Variants in TNKS observed in about 807,000 individuals in gnomAD.
TNKS encodes tankyrase, also known as poly [ADP-ribose] polymerase tankyrase-1.
In TNKS, 72 loss-of-function variants were observed where a neutral mutation model predicts 135.8. The observed-to-expected ratio is 0.53, with a 90% CI of 0.44 to 0.64. The LOEUF (loss-of-function observed/expected upper bound fraction) is 0.64. TNKS is among the 30% of genes least tolerant of loss of function. TNKS has a pLI of 0.00. For missense variants in TNKS, 1,769 were observed against 1,674.0 expected (o/e 1.06, Z -0.99); for synonymous variants, 849 against 649.3 (o/e 1.31, Z -4.68).
chr8:9,598,979 A>G (rs1041943365), intron 2 of TNKS, among the ~76,000 whole-genome samples: 5 of 151,502 alleles, frequency 3.3e-5, no homozygotes, highest in African/African-American at 9.7e-5. Flanking sequence ...TCTGTCTCAT[A>G]AACAGATTGG....
intron 24 of TNKS, 85 bp downstream of exon 24, chr8:9,765,882 T>C: frequency 8.9e-7 from 1 of 1,119,952 alleles, no homozygotes. Context: ...AAATTGACTA[T>C]AATACGGTTG....
chr8:9,557,200 T>G (rs1048583430), intron 1 of TNKS: 3 of 153,038 alleles, frequency 2.0e-5, no homozygotes. Flanking sequence ...TATATGATGA[T>G]GGAAGAAATA....
chr8:9,592,046 A>C (rs1031183728), intron 2 of TNKS, among the ~76,000 whole-genome samples: 1 of 152,206 alleles, frequency 6.6e-6, no homozygotes, highest in Non-Finnish European at 1.5e-5. Context: ...ACTCATTTTT[A>C]AGATTTAACA....
At chr8:9,682,442 T>A (rs562313370) in intron 5 of TNKS, among the ~76,000 whole-genome samples, 28 of 152,294 alleles carry the variant, frequency 1.8e-4, no homozygotes, top group Admixed American at 3.9e-4. Context: ...CTTCATCTCC[T>A]ACACAAATGT....
At chr8:9,747,243 C>T (rs1283985189) in intron 17 of TNKS, among the ~76,000 whole-genome samples, 2 of 151,782 alleles carry the variant, frequency 1.3e-5, no homozygotes, top group Non-Finnish European at 2.9e-5. Flanking sequence ...TCTAATCTTC[C>T]AGATTCCCCC....
intron 11 of TNKS, among the ~76,000 whole-genome samples, chr8:9,710,776 G>A (rs535124612): frequency 5.2e-4 from 79 of 152,132 alleles, no homozygotes; most frequent in Admixed American, 9.2e-4. Context: ...GGTGCCTGTA[G>A]TCCCAGCTAC....
rs776203335 is a variant in TNKS at position 9,556,034 on chromosome 8, C to G, written c.95C>G (p.Pro32Arg). ...PGASAPPPPP[P>R]PPLSPGLAPG... ...GCTTCAGCGCCGCCGCCGCCACCTCCTCCCCCACTCAGCCCTGGCCTGGCC... is the reference window on the plus strand; with the variant it reads ...GCTTCAGCGCCGCCGCCGCCACCTCGTCCCCCACTCAGCCCTGGCCTGGCC... The change falls in exon 1 of 27, where the codon CCT becomes CGT. Residue 32 changes from proline (P) to arginine (R), a missense_variant. This residue lies in a region of TNKS where 450 missense variants were observed against 304.9 expected (regional missense o/e 1.48). Transcript: ENST00000310430. 3.7e-6 allele frequency: 6 copies of G among 1,611,972 alleles called. No individual in the cohort carries two copies. In the African/African-American group the frequency reaches 6.7e-5, roughly 18 times the overall value.
At chr8:9,750,397 T>G (rs920650304) in intron 18 of TNKS, among the ~76,000 whole-genome samples, 1 of 152,220 alleles carries the variant, frequency 6.6e-6, no homozygotes, top group Non-Finnish European at 1.5e-5. Flanking sequence ...TACCTTATCA[T>G]GGGCAGATAA....
chr8:9,651,347 TAGGA>T (rs1227700972), intron 3 of TNKS, among the ~76,000 whole-genome samples: 4 of 152,142 alleles, frequency 2.6e-5, no homozygotes, highest in Non-Finnish European at 5.9e-5. Flanking sequence ...ATAGAAAATA[TAGGA>T]AAGTGATTGA....
At chr8:9,693,871 T>C (rs568133455) in intron 5 of TNKS, among the ~76,000 whole-genome samples, 4 of 152,140 alleles carry the variant, frequency 2.6e-5, no homozygotes, top group Non-Finnish European at 5.9e-5. Flanking sequence ...AGAAACTGAT[T>C]TACATTGCCT....
chr8:9,601,340 A>G (rs1421146145), intron 2 of TNKS, among the ~76,000 whole-genome samples: 1 of 152,214 alleles, frequency 6.6e-6, no homozygotes, highest in Non-Finnish European at 1.5e-5. Flanking sequence ...TTTAACATGT[A>G]TTATTGCAGT....
chr8:9,611,912 C>A (rs1289312515), intron 2 of TNKS, among the ~76,000 whole-genome samples: 1 of 152,022 alleles, frequency 6.6e-6, no homozygotes, highest in African/African-American at 2.4e-5. Context: ...GAAAACCTTT[C>A]TGTTATTATT....
rs552520135 is a variant in TNKS, at chr8:9,632,875, G to A, written c.994+17198G>A. ...CTCCCGAGTAGCTGGGACTACAGGC[G>A]CCTGCCACCACGCCCGGCTAATTTT... On this transcript the variant is annotated intron_variant, in intron 3 of 26. Coordinates refer to ENST00000310430, the MANE Select transcript of TNKS (RefSeq NM_003747.3). 5.3e-5 allele frequency among the ~76,000 whole-genome samples: 8 copies of A among 152,116 alleles called. No homozygotes were observed. In the South Asian group the frequency reaches 1.0e-3, roughly 20 times the overall value.
chr8:9,763,632 G>C (rs763632234), intron 22 of TNKS, among the ~76,000 whole-genome samples: 2 of 152,290 alleles, frequency 1.3e-5, no homozygotes, highest in Non-Finnish European at 1.5e-5. Flanking sequence ...AGTTATAAAT[G>C]TGACTATAAA....
chr8:9,618,038 GTT>G (rs1321902005), intron 3 of TNKS, among the ~76,000 whole-genome samples: 2 of 135,528 alleles, frequency 1.5e-5, no homozygotes, highest in African/African-American at 5.5e-5. Flanking sequence ...CCAGGCTAGA[GTT>G]CAGTGGAACG....
At chr8:9,596,097 G>C (rs1798776399) in intron 2 of TNKS, among the ~76,000 whole-genome samples, 1 of 152,034 alleles carries the variant, frequency 6.6e-6, no homozygotes, top group South Asian at 2.1e-4. Flanking sequence ...GGTGACAGAG[G>C]GGACCCTGTC....
At chr8:9,602,500 T>C (rs946099817) in intron 2 of TNKS, among the ~76,000 whole-genome samples, 1 of 152,196 alleles carries the variant, frequency 6.6e-6, no homozygotes, top group Non-Finnish European at 1.5e-5. Flanking sequence ...TCACAAGGCA[T>C]TGAGCCACCA....
intron 2 of TNKS, among the ~76,000 whole-genome samples, chr8:9,589,577 C>T (rs533804545): frequency 6.6e-6 from 1 of 151,050 alleles, no homozygotes; most frequent in Admixed American, 6.6e-5. Context: ...GAATCTGATG[C>T]CCCACTTTGA....
intron 1 of TNKS, among the ~76,000 whole-genome samples, chr8:9,564,244 A>G (rs1396644663): frequency 6.6e-6 from 1 of 152,148 alleles, no homozygotes; most frequent in Non-Finnish European, 1.5e-5. Context: ...CCATCAATGA[A>G]TTGAATAGGT....
Sources: allele counts gnomAD v4.1 joint callset (sites outside exome capture counted in the v4.1 genomes callset), GRCh38; gene constraint gnomAD v4.1.1; regional missense constraint gnomAD v4.1.1; transcripts MANE v1.5; gene names NCBI Gene and HGNC (gene_info 2026-07-23, HGNC 2026-07-21).